The following MIOS variants were observed in gnomAD, a reference collection of about 807,000 sequenced individuals.
MIOS encodes GATOR2 complex protein MIOS.
MIOS carries 52 observed loss-of-function variants against 96.9 expected under a neutral mutation model. The observed-to-expected ratio is 0.54, with a 90% CI of 0.43 to 0.68. The LOEUF (loss-of-function observed/expected upper bound fraction) is 0.68. MIOS is among the 30% of genes least tolerant of loss of function. The probability of loss-of-function intolerance (pLI) is 0.00; values close to 1 mark genes in which losing one functional copy is unlikely to be tolerated. For missense variants in MIOS, 1,005 were observed against 1,052.8 expected, an observed-to-expected ratio of 0.95 and a Z score of 0.63; for synonymous variants, 397 against 359.5, an observed-to-expected ratio of 1.10 and a Z score of -1.18.
At position 7,607,373 on chromosome 7, in the gene MIOS, C is replaced by T; in HGVS notation, c.*281C>T. 4.2e-6 allele frequency: 1 copy of T among 240,904 alleles called. No homozygotes were observed. Among genetic ancestry groups the T allele is most frequent in the Non-Finnish European group, 7.9e-6 (1 of 126,048 alleles). The allele number at this position is 240,904 out of a possible 1,614,324, so 14.9% of individuals were successfully genotyped here. On this transcript the variant is annotated 3_prime_UTR_variant, in exon 13 of 13. Coordinates refer to ENST00000340080, the MANE Select transcript of MIOS (RefSeq NM_019005.4). ...TCTAAGTTTTGGTTGAAATTATGAA[C>T]ACTCTAGAAGCAGAATTTCTGGAAG...
At position 7,583,118 on chromosome 7, in the gene MIOS, G is replaced by T. The variant is rs1783781604; in HGVS notation, c.1394G>T (p.Gly465Val). 6.3e-7 allele frequency: 1 copy of T among 1,598,702 alleles called. No homozygotes were observed. The highest frequency in any genetic ancestry group is 1.3e-5 in the African/African-American group (1 of 74,138). Reference sequence around the variant, plus strand: ...ATATAAAAATGTTTTCTGTTTTTAGGAATGGTGGAAAGCAGCAGACATAAT... The same window carrying T: ...ATATAAAAATGTTTTCTGTTTTTAGTAATGGTGGAAAGCAGCAGACATAAT... ...GIKSIVKSSL[G>V]MVESSRHNWS... The change falls in exon 6 of 13, where the codon GGA becomes GTA. Residue 465 changes from glycine to valine, a missense_variant and splice_region_variant. Physicochemically the swap from Gly to Val is moderately radical, Grantham distance 109. Around this residue, in one of 3 missense-constraint regions of MIOS, gnomAD observed 865 missense variants for 887.9 expected, o/e 0.97. Transcript: ENST00000340080.
intron 11 of MIOS, among the ~76,000 whole-genome samples, chr7:7,603,474 C>T (rs1410791891): frequency 1.3e-5 from 2 of 149,960 alleles, no homozygotes; most frequent in South Asian, 4.3e-4. Context: ...TTCATCATCA[C>T]TGGCCATCAG....
In MIOS at chr7:7,573,988, A is replaced by T. The variant is rs919964694; in HGVS notation, c.1295-110A>T. On this transcript the variant is annotated intron_variant, in intron 4 of 12. Transcript: ENST00000340080. The surrounding 1 kb of genome is among the most constrained non-coding windows in gnomAD (Gnocchi z 5.0). ...AAAGTGTATCTCTGCAATAGAGTCG[A>T]ACCACCTTATTTACACTGATACTTA... 4 of 962,196 alleles carry T rather than the reference A, an allele frequency of 4.2e-6. No homozygotes were observed. The highest frequency in any genetic ancestry group is 6.1e-6 in the Non-Finnish European group (4 of 658,166). 59.6% of individuals were successfully genotyped at this position (962,196 alleles called of 1,614,324 possible). A position where few individuals can be genotyped will look rare whatever the true frequency, so the allele number is the denominator to read the frequency against.
At chr7:7,571,642 A>G (rs2115343637) in intron 3 of MIOS, among the ~76,000 whole-genome samples, 1 of 152,326 alleles carries the variant, frequency 6.6e-6, no homozygotes, top group East Asian at 1.9e-4. Flanking sequence ...GGAAATACTA[A>G]TCTAAACCAG....
chr7:7,574,955 T>C (rs4720740), intron 5 of MIOS, among the ~76,000 whole-genome samples: 93,691 of 151,840 alleles, frequency 0.62, 30,061 homozygotes, highest in Admixed American at 0.73. Context: ...TACTTAGAGA[T>C]TGACCATCCC....
chr7:7,590,661 G>A (rs971895821), intron 9 of MIOS, among the ~76,000 whole-genome samples: 1 of 151,594 alleles, frequency 6.6e-6, no homozygotes, highest in African/African-American at 2.4e-5. Context: ...CCTTATTTTG[G>A]GTTAATATTT....
At chr7:7,604,422 C>A (rs912085629) in intron 11 of MIOS, among the ~76,000 whole-genome samples, 1 of 152,060 alleles carries the variant, frequency 6.6e-6, no homozygotes, top group African/African-American at 2.4e-5. Flanking sequence ...GTTCTAACAT[C>A]ATTATAAACA....
chr7:7,586,243 G>C (rs150686099), intron 7 of MIOS, among the ~76,000 whole-genome samples: 22 of 151,892 alleles, frequency 1.4e-4, no homozygotes, highest in African/African-American at 5.1e-4. Flanking sequence ...GGTGGAGGTG[G>C]CCATACATCT....
intron 3 of MIOS, among the ~76,000 whole-genome samples, chr7:7,571,970 T>C (rs1783370183): frequency 6.6e-6 from 1 of 152,240 alleles, no homozygotes; most frequent in Admixed American, 6.5e-5. Context: ...ATGTGGCTAG[T>C]GGCTACCATA....
At chr7:7,603,304 G>A (rs1001943905) in intron 11 of MIOS, among the ~76,000 whole-genome samples, 39 of 151,870 alleles carry the variant, frequency 2.6e-4, no homozygotes, top group East Asian at 2.5e-3. Context: ...GAAAATTTTT[G>A]CAACCTACTC....
chr7:7,595,749 TATG>T (rs1452535308), intron 10 of MIOS, among the ~76,000 whole-genome samples: 2 of 152,204 alleles, frequency 1.3e-5, no homozygotes, highest in African/African-American at 4.8e-5. Context: ...TACTAATCTA[TATG>T]ATAAGTGATT....
chr7:7,594,905 T>C, intron 9 of MIOS, 75 bp from the exon 10 acceptor site: 2 of 1,114,016 alleles, frequency 1.8e-6, no homozygotes, highest in Non-Finnish European at 1.2e-6. Context: ...TTACTCATAC[T>C]TACATGCTAC....
intron 11 of MIOS, among the ~76,000 whole-genome samples, chr7:7,602,394 A>G (rs1035487705): frequency 1.3e-3 from 196 of 152,348 alleles, no homozygotes; most frequent in African/African-American, 4.0e-3. Flanking sequence ...TACAAAATCA[A>G]TGTGCAGAAA....
intron 5 of MIOS, chr7:7,582,645 A>G: frequency 2.0e-6 from 2 of 978,684 alleles, no homozygotes; most frequent in African/African-American, 3.5e-5. Flanking sequence ...GAAGGAAGAA[A>G]GCAAGATCAC....
intron 11 of MIOS, among the ~76,000 whole-genome samples, chr7:7,599,986 T>A (rs1784322700): frequency 6.6e-6 from 1 of 151,944 alleles, no homozygotes; most frequent in African/African-American, 2.4e-5. Flanking sequence ...CATATGGTCA[T>A]AAAGAAGGAA....
intron 5 of MIOS, chr7:7,581,799 TTC>T (rs1583634806): frequency 1.3e-5 from 2 of 152,254 alleles, no homozygotes; most frequent in East Asian, 1.9e-4. Flanking sequence ...CTCCTGCTGC[TTC>T]TCTCTTACCT....
intron 11 of MIOS, among the ~76,000 whole-genome samples, chr7:7,597,517 T>TATATATATAGAA (rs372634070): frequency 1.4e-5 from 1 of 70,428 alleles, no homozygotes; most frequent in Non-Finnish European, 2.7e-5. Flanking sequence ...TATATATATA[T>TATATATATAGAA]GAAGGCAATA....
At chr7:7,600,186 AAAAG>A (rs1265029653) in intron 11 of MIOS, among the ~76,000 whole-genome samples, 5 of 67,460 alleles carry the variant, frequency 7.4e-5, no homozygotes, top group Non-Finnish European at 1.1e-4. Context: ...AAAAAAAAGA[AAAAG>A]AAGCAAATTA....
chr7:7,580,222 T>C (rs898512293), intron 5 of MIOS, among the ~76,000 whole-genome samples: 3 of 152,218 alleles, frequency 2.0e-5, no homozygotes, highest in African/African-American at 7.2e-5. Flanking sequence ...TTTTAATAAG[T>C]GTTTTGTTAA....
Sources: gnomAD v4.1 joint callset for allele counts (sites outside exome capture counted in the v4.1 genomes callset) on GRCh38, gnomAD v4.1.1 for gene constraint, gnomAD v4.1.1 regional missense constraint, Gnocchi (gnomAD v3.1) non-coding constraint, MANE v1.5 for transcripts, NCBI Gene and HGNC (gene_info 2026-07-23, HGNC 2026-07-21) for gene names.